Variants in SSBP2 observed in about 807,000 individuals in gnomAD.
The protein encoded by SSBP2 is single stranded DNA binding protein 2.
A neutral mutation model predicts 61.8 loss-of-function variants in SSBP2; 17 were observed. The ratio of observed to expected loss-of-function variants is 0.28; its 90% CI spans 0.19 to 0.41. SSBP2 has a LOEUF of 0.41. Among genes scored for constraint, SSBP2 ranks in the 10% least tolerant of loss-of-function variants. The pLI is 1.00. For synonymous variants in SSBP2, 139 were observed against 141.3 expected (o/e 0.98, Z 0.12); for missense variants, 310 against 458.7 (o/e 0.68, Z 2.96).
chr5:81,662,442 G>C (rs1339582991), intron 1 of SSBP2, among the ~76,000 whole-genome samples: 1 of 152,098 alleles, frequency 6.6e-6, no homozygotes, highest in African/African-American at 2.4e-5. Context: ...ACTCCAGCTT[G>C]GGCAACAAGA....
chr5:81,680,222 A>G (rs1251026661), intron 1 of SSBP2, among the ~76,000 whole-genome samples: 1 of 151,244 alleles, frequency 6.6e-6, no homozygotes, highest in Non-Finnish European at 1.5e-5. Context: ...CAGATGAAGG[A>G]TTGTGGGACT....
intron 4 of SSBP2, among the ~76,000 whole-genome samples, chr5:81,594,953 A>C (rs1233489889): frequency 6.6e-6 from 1 of 152,198 alleles, no homozygotes; most frequent in East Asian, 1.9e-4. Context: ...AAGAGCAAAC[A>C]CGTTCAAAAG....
rs1035799260 is a variant in SSBP2 at position 81,750,888 on chromosome 5, C to G, written c.62+93G>C. The G allele has an allele frequency of 1.7e-5, 24 of 1,390,128 alleles. No homozygotes were observed. In the East Asian group the frequency reaches 5.2e-4, roughly 30 times the overall value. 86.1% of individuals were successfully genotyped at this position (1,390,128 alleles called of 1,614,324 possible). On this transcript the variant is annotated intron_variant, in intron 1 of 16. Coordinates refer to ENST00000320672, the MANE Select transcript of SSBP2 (RefSeq NM_012446.5). Reference sequence around the variant, plus strand: ...CAGCCCACCCCCGGCGCTCCCCGGGCGGAGAGTGTCTGTGTCTCCCAGAGT... The same window carrying G: ...CAGCCCACCCCCGGCGCTCCCCGGGGGGAGAGTGTCTGTGTCTCCCAGAGT...
intron 1 of SSBP2, among the ~76,000 whole-genome samples, chr5:81,731,532 T>C (rs1190396219): frequency 6.6e-6 from 1 of 152,160 alleles, no homozygotes; most frequent in Non-Finnish European, 1.5e-5. Flanking sequence ...AGTGTTCCAG[T>C]AGCCATTTCA....
intron 4 of SSBP2, among the ~76,000 whole-genome samples, chr5:81,607,845 A>T (rs1745027708): frequency 6.6e-6 from 1 of 152,156 alleles, no homozygotes; most frequent in Admixed American, 6.5e-5. Flanking sequence ...ACACCAAACA[A>T]ATTAGTTGCC....
rs532300694 is a variant in SSBP2 at position 81,682,638 on chromosome 5, G to T, written c.63-32299C>A. Reference sequence around the variant, plus strand: ...GTCAAGGATGTTCCCTCTTACCACTGCTTTTTGGCATTGTACTGGAAGTAT... The same window carrying T: ...GTCAAGGATGTTCCCTCTTACCACTTCTTTTTGGCATTGTACTGGAAGTAT... On this transcript the variant is annotated intron_variant, in intron 1 of 16. Transcript: ENST00000320672. Among the ~76,000 whole-genome samples the T allele has an allele frequency of 2.0e-5, 3 of 152,188 alleles. No homozygotes were observed. The East Asian group carries it at 5.8e-4, about 29-fold the overall frequency.
chr5:81,526,610 TA>T (rs927384671), intron 4 of SSBP2, among the ~76,000 whole-genome samples: 3 of 152,034 alleles, frequency 2.0e-5, no homozygotes, highest in African/African-American at 2.4e-5. Context: ...ATCATAGCAT[TA>T]AAAAATGATA....
intron 1 of SSBP2, among the ~76,000 whole-genome samples, chr5:81,720,756 A>C (rs1428602697): frequency 6.6e-6 from 1 of 152,206 alleles, no homozygotes; most frequent in African/African-American, 2.4e-5. Flanking sequence ...GTTTGGTTTG[A>C]CATCATACGG....
intron 2 of SSBP2, among the ~76,000 whole-genome samples, chr5:81,645,820 A>AT (rs1262987509): frequency 2.0e-5 from 3 of 152,340 alleles, no homozygotes; most frequent in Non-Finnish European, 2.9e-5. Flanking sequence ...GAAAAGTCAC[A>AT]TAAACTACAT....
intron 4 of SSBP2, among the ~76,000 whole-genome samples, chr5:81,610,164 C>A (rs1225899233): frequency 6.6e-6 from 1 of 152,156 alleles, no homozygotes; most frequent in Non-Finnish European, 1.5e-5. Flanking sequence ...AGTGGGTGGA[C>A]TGCTTCCTGC....
At chr5:81,661,424 G>A (rs927499175) in intron 1 of SSBP2, among the ~76,000 whole-genome samples, 5 of 151,932 alleles carry the variant, frequency 3.3e-5, no homozygotes, top group East Asian at 1.9e-4. Flanking sequence ...AGAAACCTCC[G>A]TACTGTTTTC....
intron 15 of SSBP2, among the ~76,000 whole-genome samples, chr5:81,432,214 A>G (rs972553108): frequency 1.3e-5 from 2 of 152,080 alleles, no homozygotes; most frequent in Non-Finnish European, 2.9e-5. Context: ...CACACATGAG[A>G]TGATGGTGTA....
At chr5:81,704,548 A>T (rs1239657762) in intron 1 of SSBP2, among the ~76,000 whole-genome samples, 2 of 152,184 alleles carry the variant, frequency 1.3e-5, no homozygotes, top group Non-Finnish European at 2.9e-5. Context: ...CTGTAATCCC[A>T]GCACTTTGGG....
chr5:81,703,558 A>T (rs986284015), intron 1 of SSBP2, among the ~76,000 whole-genome samples: 3 of 151,750 alleles, frequency 2.0e-5, no homozygotes, highest in African/African-American at 7.3e-5. Context: ...TTAAAGTATA[A>T]TAATAATAAA....
intron 4 of SSBP2, among the ~76,000 whole-genome samples, chr5:81,556,149 C>T (rs1287682251): frequency 6.6e-6 from 1 of 152,032 alleles, no homozygotes; most frequent in Admixed American, 6.6e-5. Context: ...ATTACTATCA[C>T]CCCTGCAGAA....
At chr5:81,623,987 T>C (rs556421386) in intron 3 of SSBP2, among the ~76,000 whole-genome samples, 1 of 152,278 alleles carries the variant, frequency 6.6e-6, no homozygotes, top group South Asian at 2.1e-4. Context: ...TTTAAAAACA[T>C]GTCTCATGGC....
At chr5:81,561,883 G>T (rs747420692) in intron 4 of SSBP2, among the ~76,000 whole-genome samples, 1 of 152,096 alleles carries the variant, frequency 6.6e-6, no homozygotes, top group Non-Finnish European at 1.5e-5. Context: ...CCTTAAACAT[G>T]ATTTAAATGT....
At chr5:81,473,655 T>G (rs1561442188) in intron 8 of SSBP2, 45 bp downstream of exon 8, 1 of 1,553,098 alleles carries the variant, frequency 6.4e-7, no homozygotes, top group Non-Finnish European at 8.9e-7. Context: ...GGCATTTGGG[T>G]TGGTTCCATA....
intron 4 of SSBP2, among the ~76,000 whole-genome samples, chr5:81,558,062 A>C (rs968421181): frequency 3.3e-5 from 5 of 152,176 alleles, no homozygotes; most frequent in Admixed American, 6.5e-5. Context: ...TAAGTATTCC[A>C]TGTAGCAAGG....
Sources: allele counts gnomAD v4.1 joint callset (sites outside exome capture counted in the v4.1 genomes callset), GRCh38; gene constraint gnomAD v4.1.1; transcripts MANE v1.5; gene names NCBI Gene and HGNC (gene_info 2026-07-23, HGNC 2026-07-21).